The following XKR6 variants were observed in gnomAD, a reference collection of about 807,000 sequenced individuals.
The protein encoded by XKR6 is XK-related protein 6.
A neutral mutation model predicts 56.7 loss-of-function variants in XKR6; 22 were observed. The ratio of observed to expected loss-of-function variants is 0.39; its 90% CI spans 0.28 to 0.55. XKR6 has a LOEUF of 0.55. Ranked by LOEUF, XKR6 falls within the 20% of genes least tolerant of loss-of-function variation. The pLI is 0.66. For synonymous variants in XKR6, 524 were observed against 387.8 expected, an observed-to-expected ratio of 1.35 and a Z score of -4.13; for missense variants, 852 against 889.0, an observed-to-expected ratio of 0.96 and a Z score of 0.53.
intron 1 of XKR6, among the ~76,000 whole-genome samples, chr8:10,960,797 A>G (rs1432103403): frequency 1.3e-5 from 2 of 152,176 alleles, no homozygotes; most frequent in Admixed American, 1.3e-4. Context: ...CTCCTGCAGC[A>G]CACACAGCGT....
At chr8:11,197,197 T>A (rs1473131434) in intron 1 of XKR6, among the ~76,000 whole-genome samples, 1 of 152,206 alleles carries the variant, frequency 6.6e-6, no homozygotes, top group Non-Finnish European at 1.5e-5. Context: ...GTTAAGTAAA[T>A]TCCTTTTACT....
chr8:11,116,742 C>T (rs1178307130), intron 1 of XKR6, among the ~76,000 whole-genome samples: 4 of 152,126 alleles, frequency 2.6e-5, no homozygotes, highest in African/African-American at 7.2e-5. Context: ...ACTCAGATGT[C>T]CCCCTTACAT....
intron 1 of XKR6, among the ~76,000 whole-genome samples, chr8:11,024,478 C>A (rs1241809976): frequency 6.6e-6 from 1 of 152,184 alleles, no homozygotes; most frequent in African/African-American, 2.4e-5. Flanking sequence ...AGTCAATTGT[C>A]TGGCACCTAA....
intron 2 of XKR6, among the ~76,000 whole-genome samples, chr8:10,907,915 C>T (rs1404796451): frequency 1.3e-5 from 2 of 152,224 alleles, no homozygotes; most frequent in East Asian, 3.8e-4. Context: ...GAATGGCCTC[C>T]TAACTGGTCT....
chr8:11,178,547 AATAT>A (rs373879147), intron 1 of XKR6, among the ~76,000 whole-genome samples: 68 of 88,504 alleles, frequency 7.7e-4, no homozygotes, highest in Middle Eastern at 6.0e-3. Flanking sequence ...GAGAGGTAAA[AATAT>A]ATATATATAT....
chr8:10,940,757 G>A (rs910089214), intron 1 of XKR6, among the ~76,000 whole-genome samples: 3 of 152,112 alleles, frequency 2.0e-5, no homozygotes, highest in African/African-American at 7.3e-5. Context: ...ACAACCAGCT[G>A]TACCCCGAGA....
chr8:11,078,239 TCTCA>T (rs527450910), intron 1 of XKR6, among the ~76,000 whole-genome samples: 18 of 152,198 alleles, frequency 1.2e-4, no homozygotes, highest in Non-Finnish European at 4.4e-5. Context: ...TTATTGAATT[TCTCA>T]CTGTGTGCCC....
intron 1 of XKR6, among the ~76,000 whole-genome samples, chr8:11,097,544 A>G (rs773887502): frequency 1.3e-5 from 2 of 151,616 alleles, no homozygotes; most frequent in Non-Finnish European, 2.9e-5. Context: ...GCGGTGTCTC[A>G]CACCTGTAAT....
At chr8:11,099,964 G>C (rs1215093356) in intron 1 of XKR6, among the ~76,000 whole-genome samples, 1 of 152,218 alleles carries the variant, frequency 6.6e-6, no homozygotes, top group African/African-American at 2.4e-5. Context: ...AGGGCCCTGA[G>C]GCACGGGGGA....
At chr8:11,177,979 C>T (rs1268923082) in intron 1 of XKR6, among the ~76,000 whole-genome samples, 1 of 152,174 alleles carries the variant, frequency 6.6e-6, no homozygotes, top group Non-Finnish European at 1.5e-5. Flanking sequence ...AGGTCCTTCT[C>T]CACTGCAACC....
At position 10,898,544 on chromosome 8, in the gene XKR6, T is replaced by C; in HGVS notation, c.1334A>G (p.Tyr445Cys). 6.2e-7 allele frequency: 1 copy of C among 1,614,138 alleles called. No homozygotes were observed. Among genetic ancestry groups the C allele is most frequent in the Non-Finnish European group, 8.5e-7 (1 of 1,180,014 alleles). ...EGRTRYRMFAYYTIVLTENAA... is the reference protein window; with the variant it reads ...EGRTRYRMFACYTIVLTENAA... ...ATTCTCGGTCAAGACTATCGTATAA[T>C]ATGCAAACATTCGATATCGAGTCCG... The change falls in exon 3 of 3, where the codon TAT (tyrosine) becomes TGT (cysteine). Residue 445 changes from tyrosine (Y) to cysteine (C), a missense_variant. Transcript: ENST00000416569. The surrounding 1 kb of genome is among the most constrained non-coding windows in gnomAD (Gnocchi z 6.6).
intron 2 of XKR6, among the ~76,000 whole-genome samples, chr8:10,915,924 A>AAAGG (rs1402643802): frequency 6.6e-6 from 1 of 152,164 alleles, no homozygotes; most frequent in Non-Finnish European, 1.5e-5. Flanking sequence ...GTCAAGAGGG[A>AAAGG]GTTGGTCCTC....
intron 1 of XKR6, among the ~76,000 whole-genome samples, chr8:11,188,071 A>C (rs1803367685): frequency 6.6e-6 from 1 of 152,128 alleles, no homozygotes; most frequent in South Asian, 2.1e-4. Flanking sequence ...ATGATTTTGC[A>C]GAATGAGAGG....
chr8:11,108,217 G>GA, intron 1 of XKR6: 1 of 450,134 alleles, frequency 2.2e-6, no homozygotes, highest in South Asian at 1.6e-5. Flanking sequence ...ACCAAATTCA[G>GA]AAATAACCAT....
intron 1 of XKR6, among the ~76,000 whole-genome samples, chr8:11,113,503 C>T (rs1799007695): frequency 6.6e-6 from 1 of 152,150 alleles, no homozygotes; most frequent in African/African-American, 2.4e-5. Context: ...TCTCCAAAGG[C>T]ACATCATATT....
intron 2 of XKR6, among the ~76,000 whole-genome samples, chr8:10,910,235 C>T (rs957667531): frequency 1.3e-5 from 2 of 152,062 alleles, no homozygotes; most frequent in African/African-American, 2.4e-5. Flanking sequence ...CAAATATAAT[C>T]GCGCTGAGGT....
chr8:11,044,205 C>G (rs1488468562), intron 1 of XKR6, among the ~76,000 whole-genome samples: 2 of 152,208 alleles, frequency 1.3e-5, no homozygotes, highest in Admixed American at 6.5e-5. Context: ...CTTGCCTCAC[C>G]TTTTAACGTA....
chr8:11,097,869 T>C (rs1047288117), intron 1 of XKR6, among the ~76,000 whole-genome samples: 4 of 101,068 alleles, frequency 4.0e-5, no homozygotes, highest in African/African-American at 1.8e-4. Flanking sequence ...TCGTAAATTC[T>C]ACAGTTTTTT....
intron 1 of XKR6, among the ~76,000 whole-genome samples, chr8:11,001,922 C>A (rs1356336471): frequency 6.6e-6 from 1 of 152,186 alleles, no homozygotes; most frequent in Non-Finnish European, 1.5e-5. Flanking sequence ...TCTCCAGCCC[C>A]ACCATACCCG....
Sources: allele counts gnomAD v4.1 joint callset (sites outside exome capture counted in the v4.1 genomes callset), GRCh38; gene constraint gnomAD v4.1.1; non-coding constraint Gnocchi (gnomAD v3.1); transcripts MANE v1.5; gene names NCBI Gene and HGNC (gene_info 2026-07-23, HGNC 2026-07-21).